The following ACAN variants were observed in gnomAD, a reference collection of about 807,000 sequenced individuals.
ACAN encodes the protein aggrecan core protein.
A neutral mutation model predicts 169.1 loss-of-function variants in ACAN; 47 were observed. That is an observed-to-expected ratio of 0.28 (90% CI 0.22 to 0.35). ACAN has a LOEUF of 0.35. ACAN is among the 10% of genes least tolerant of loss of function. ACAN has a pLI of 1.00. For missense variants in ACAN, 2,716 were observed against 2,759.9 expected (o/e 0.98, Z 0.36); for synonymous variants, 1,115 against 1,112.2 (o/e 1.00, Z -0.05).
At chr15:88,831,789 A>G (rs1896370718) in intron 1 of ACAN, among the ~76,000 whole-genome samples, 1 of 152,148 alleles carries the variant, frequency 6.6e-6, no homozygotes, top group African/African-American at 2.4e-5. Flanking sequence ...AAGGTCTCTC[A>G]CAGCTTAGAC....
chr15:88,811,595 T>TG (rs1321528708), intron 1 of ACAN, among the ~76,000 whole-genome samples: 3 of 152,182 alleles, frequency 2.0e-5, no homozygotes, highest in Admixed American at 2.0e-4. Context: ...GAGTTCACTG[T>TG]GGGGTGGGGT....
chr15:88,853,761 C>G (rs866290242), intron 11 of ACAN, among the ~76,000 whole-genome samples: 546 of 140,332 alleles, frequency 3.9e-3, no homozygotes, highest in Middle Eastern at 0.014. Context: ...TAGATACATA[C>G]ATACATACAT....
At chr15:88,818,054 A>G (rs916437612) in intron 1 of ACAN, among the ~76,000 whole-genome samples, 3 of 152,132 alleles carry the variant, frequency 2.0e-5, no homozygotes, top group Admixed American at 6.5e-5. Context: ...GTGCTTAATG[A>G]TATAGCATGA....
At chr15:88,834,403 A>C (rs1278393192) in intron 1 of ACAN, among the ~76,000 whole-genome samples, 1 of 152,160 alleles carries the variant, frequency 6.6e-6, no homozygotes, top group African/African-American at 2.4e-5. Context: ...GGATGGGAAC[A>C]CCAGTGCCCT....
intron 2 of ACAN, among the ~76,000 whole-genome samples, chr15:88,836,504 C>G (rs1396996255): frequency 3.3e-5 from 5 of 152,232 alleles, no homozygotes; most frequent in Non-Finnish European, 7.3e-5. Flanking sequence ...CTGCTCCTGA[C>G]TGCCCTCAAG....
chr15:88,854,230 T>TACACTGAAGTGAGCCCCA (rs1355948577), intron 11 of ACAN, among the ~76,000 whole-genome samples: 4 of 152,302 alleles, frequency 2.6e-5, no homozygotes, highest in Admixed American at 2.0e-4. Flanking sequence ...GCACAGTTCT[T>TACACTGAAGTGAGCCCCA]ACACTGAAGT....
At position 88,839,126 on chromosome 15, in the gene ACAN, G is replaced by C; in HGVS notation, c.454+80G>C. Reference sequence around the variant, plus strand: ...AGTCTCCGCAGTGCAGGCGCAGGCAGGCTGGCCTTCAAACCAGCTCCTCCA... The same window carrying C: ...AGTCTCCGCAGTGCAGGCGCAGGCACGCTGGCCTTCAAACCAGCTCCTCCA... On this transcript the variant is annotated intron_variant, in intron 3 of 18. Transcript: ENST00000560601. This position sits in a 1 kb window ranked among gnomAD's most constrained non-coding sequence, Gnocchi z 4.5. 1 of 1,542,026 alleles carries C rather than the reference G, an allele frequency of 6.5e-7. No homozygotes were observed. The highest frequency in any genetic ancestry group is 8.7e-7 in the Non-Finnish European group (1 of 1,149,748).
rs1260087288 is a variant in ACAN at position 88,843,318 on chromosome 15, G to T, written c.758-37G>T. ...GGGGATGCAGAGCAGGGGGAGGGGG[G>T]AGAAGACCCTTACCCAGCTGGCTGT... On this transcript the variant is annotated intron_variant, in intron 5 of 18. Coordinates refer to ENST00000560601, the MANE Select transcript of ACAN (RefSeq NM_001369268.1). This position sits in a 1 kb window ranked among gnomAD's most constrained non-coding sequence, Gnocchi z 4.0. 1 of 1,501,746 alleles carries T rather than the reference G, an allele frequency of 6.7e-7. No homozygotes were observed. The highest frequency in any genetic ancestry group is 9.0e-7 in the Non-Finnish European group (1 of 1,114,900). The allele number at this position is 1,501,746 out of a possible 1,614,324, so 93.0% of individuals were successfully genotyped here.
chr15:88,850,497 T>C (rs2141593182), intron 10 of ACAN: 1 of 152,416 alleles, frequency 6.6e-6, no homozygotes, highest in East Asian at 1.9e-4. Flanking sequence ...ATGTAGATTG[T>C]AATAACAGCC....
intron 2 of ACAN, among the ~76,000 whole-genome samples, chr15:88,836,939 G>T (rs1285841381): frequency 2.6e-5 from 4 of 152,186 alleles, no homozygotes; most frequent in African/African-American, 9.6e-5. Flanking sequence ...GGCCCCCACT[G>T]GCCATCCTCC....
rs1897441636 is a variant in ACAN, at chr15:88,873,868, G to A, written c.7474G>A (p.Glu2492Lys). ...GGCCTGCGGAGAGCCCCCTGTGGTG[G>A]AGCATGCCAGGACCTTCGGGCAGAA... ...TVACGEPPVV[E>K]HARTFGQKKD... The change falls in exon 18 of 19, where the codon GAG becomes AAG. Residue 2492 changes from glutamate (E) to lysine (K), a missense_variant. Glu to Lys is a moderately conservative substitution (Grantham distance 56, BLOSUM62 1). Coordinates refer to ENST00000560601, the MANE Select transcript of ACAN (RefSeq NM_001369268.1). The surrounding 1 kb of genome is among the most constrained non-coding windows in gnomAD (Gnocchi z 7.5). 1 of 1,613,676 alleles carries A rather than the reference G, an allele frequency of 6.2e-7. No individual in the cohort carries two copies. The highest frequency in any genetic ancestry group is 1.3e-5 in the African/African-American group (1 of 74,932).
Position 88,864,039 on chromosome 15 carries a change from T to C in ACAN, c.6946+3600T>C, listed in dbSNP as rs192327645. ...ATATATGTTTTTAATTAGCTTGGTA[T>C]GGTGGCACATGCCTTTAGTCCCAGC... On this transcript the variant is annotated intron_variant, in intron 13 of 18. Coordinates refer to ENST00000560601, the MANE Select transcript of ACAN (RefSeq NM_001369268.1). Among the ~76,000 whole-genome samples the C allele has an allele frequency of 4.0e-3, 610 of 152,206 alleles. 35 individuals are homozygous for C. The South Asian group carries it at 0.1, about 26-fold the overall frequency.
intron 13 of ACAN, among the ~76,000 whole-genome samples, chr15:88,864,878 G>T (rs1275399363): frequency 6.6e-6 from 1 of 152,192 alleles, no homozygotes; most frequent in Non-Finnish European, 1.5e-5. Context: ...TTTATGAGTG[G>T]CAACCCTTTT....
chr15:88,819,170 G>A lies in ACAN; in HGVS notation c.-8+15361G>A, dbSNP rs1374344218. 2.0e-5 allele frequency among the ~76,000 whole-genome samples: 3 copies of A among 152,310 alleles called. No homozygotes were observed. In the South Asian group the frequency reaches 6.2e-4, roughly 32 times the overall value. ...ACACAGCCAGTACAGGCTGGCAGAG[G>A]ACTGGGGACATGCCAGAGACAGCTG... On this transcript the variant is annotated intron_variant, in intron 1 of 18. Transcript: ENST00000560601.
intron 1 of ACAN, among the ~76,000 whole-genome samples, chr15:88,815,887 A>G (rs1490635150): frequency 1.3e-5 from 2 of 152,202 alleles, no homozygotes; most frequent in African/African-American, 4.8e-5. Context: ...AAAACAATAG[A>G]CATTTATAGT....
rs548427062 is a variant in ACAN at position 88,844,372 on chromosome 15, T to A, written c.1051+724T>A. ...CTGGGCAAAATGTCATTTTACTTTA[T>A]TATTATTATTATTATTGTTGAGACA... On this transcript the variant is annotated intron_variant, in intron 6 of 18. Coordinates refer to ENST00000560601, the MANE Select transcript of ACAN (RefSeq NM_001369268.1). Among the ~76,000 whole-genome samples the A allele has an allele frequency of 2.1e-4, 32 of 150,848 alleles. No individual in the cohort carries two copies. The South Asian group carries it at 6.6e-3, about 31-fold the overall frequency.
In ACAN at chr15:88,838,443, C is replaced by A. The variant is rs755868192; in HGVS notation, c.71-220C>A. ...GCTCCATAGTTTCTGTCTCGAGATGCAGAGGCCAGGGGTCTTGAGGAACAC... is the reference window on the plus strand; with the variant it reads ...GCTCCATAGTTTCTGTCTCGAGATGAAGAGGCCAGGGGTCTTGAGGAACAC... On this transcript the variant is annotated intron_variant, in intron 2 of 18. Transcript: ENST00000560601. This position sits in a 1 kb window ranked among gnomAD's most constrained non-coding sequence, Gnocchi z 5.1. Among the ~76,000 whole-genome samples the A allele has an allele frequency of 6.6e-6, 1 of 152,090 alleles. No individual in the cohort carries two copies. The highest frequency in any genetic ancestry group is 1.5e-5 in the Non-Finnish European group (1 of 68,030).
chr15:88,840,247 G>A (rs763680981), intron 4 of ACAN, 61 bp downstream of exon 4: 60 of 1,487,982 alleles, frequency 4.0e-5, no homozygotes, highest in African/African-American at 5.5e-5. Flanking sequence ...GGAGTGGGGC[G>A]GGTGCTGGGT....
At chr15:88,820,587 G>A (rs1044286051) in intron 1 of ACAN, among the ~76,000 whole-genome samples, 1 of 152,028 alleles carries the variant, frequency 6.6e-6, no homozygotes, top group Admixed American at 6.6e-5. Flanking sequence ...CTCTTAGAAG[G>A]CCCTTTCCCC....
Sources: allele counts gnomAD v4.1 joint callset (sites outside exome capture counted in the v4.1 genomes callset), GRCh38; gene constraint gnomAD v4.1.1; non-coding constraint Gnocchi (gnomAD v3.1); transcripts MANE v1.5; gene names NCBI Gene and HGNC (gene_info 2026-07-23, HGNC 2026-07-21).